Variants in MCPH1 observed in about 807,000 individuals in gnomAD.
The protein encoded by MCPH1 is microcephalin.
In MCPH1, 104 loss-of-function variants were observed where a neutral mutation model predicts 84.5. The observed-to-expected ratio is 1.23, with a 90% CI of 1.05 to 1.45. MCPH1 has a LOEUF of 1.45. Among genes scored for constraint, MCPH1 ranks in the 40% most tolerant of loss-of-function variants. The pLI is 0.00. For missense variants in MCPH1, 1,498 were observed against 1,005.7 expected (o/e 1.49, Z -6.62); for synonymous variants, 514 against 366.8 (o/e 1.40, Z -4.58).
intron 13 of MCPH1, chr8:6,625,883 G>A (rs1832025387): frequency 3.0e-6 from 3 of 985,252 alleles, no homozygotes; most frequent in African/African-American, 3.5e-5. Context: ...AGGGGGTGGA[G>A]AACCAGGAGT....
chr8:6,497,573 A>G (rs942759422), intron 11 of MCPH1, among the ~76,000 whole-genome samples: 6 of 152,174 alleles, frequency 3.9e-5, no homozygotes, highest in Non-Finnish European at 7.3e-5. Context: ...GTACTCCATC[A>G]TAATATATGC....
At chr8:6,410,495 G>A (rs1038368548) in intron 2 of MCPH1, among the ~76,000 whole-genome samples, 2 of 152,116 alleles carry the variant, frequency 1.3e-5, no homozygotes, top group African/African-American at 4.8e-5. Context: ...CTTATTCAAG[G>A]TTTCTTAGTA....
chr8:6,454,940 T>C (rs767580055), intron 8 of MCPH1, among the ~76,000 whole-genome samples: 15 of 152,232 alleles, frequency 9.9e-5, no homozygotes, highest in South Asian at 2.1e-4. Flanking sequence ...TTACCGACCA[T>C]TGAATTAAGT....
chr8:6,569,244 GA>G (rs1474966248), intron 12 of MCPH1, among the ~76,000 whole-genome samples: 1 of 152,038 alleles, frequency 6.6e-6, no homozygotes, highest in African/African-American at 2.4e-5. Context: ...TCTGCCAAAA[GA>G]AAAAAATCTT....
At chr8:6,494,348 A>G (rs1414043703) in intron 11 of MCPH1, 1 of 152,188 alleles carries the variant, frequency 6.6e-6, no homozygotes, top group African/African-American at 2.4e-5. Flanking sequence ...TATCTTCTAT[A>G]GCTGTAAACC....
At chr8:6,616,504 A>T (rs1401275156) in intron 12 of MCPH1, 2 of 152,246 alleles carry the variant, frequency 1.3e-5, no homozygotes, top group Non-Finnish European at 1.5e-5. Flanking sequence ...AAATCAGGTG[A>T]AGACACAAAG....
In MCPH1 at chr8:6,583,634, G is replaced by A. The variant is rs182874847; in HGVS notation, c.2215-37820G>A. Among the ~76,000 whole-genome samples the A allele has an allele frequency of 1.6e-4, 25 of 152,302 alleles. No homozygotes were observed. In the East Asian group the frequency reaches 4.4e-3, roughly 27 times the overall value. On this transcript the variant is annotated intron_variant, in intron 12 of 13. Coordinates refer to ENST00000344683, the MANE Select transcript of MCPH1 (RefSeq NM_024596.5). ...CCCTGAGTGCCCAAGGGAGGAGCTGGCCTGGAGTAGTGAGGGCAAGGTGAT... is the reference window on the plus strand; with the variant it reads ...CCCTGAGTGCCCAAGGGAGGAGCTGACCTGGAGTAGTGAGGGCAAGGTGAT...
At chr8:6,626,576 A>C (rs1832102761) in intron 13 of MCPH1, 1 of 984,632 alleles carries the variant, frequency 1.0e-6, no homozygotes, top group Non-Finnish European at 1.2e-6. Flanking sequence ...GGCCCTAGGA[A>C]ATAAAATGTT....
At chr8:6,549,524 T>A (rs559648049) in intron 12 of MCPH1, among the ~76,000 whole-genome samples, 13 of 151,864 alleles carry the variant, frequency 8.6e-5, no homozygotes, top group African/African-American at 3.1e-4. Context: ...TGGGCAGTCA[T>A]TACACAGGTG....
At chr8:6,517,081 T>C (rs1343482745) in intron 12 of MCPH1, among the ~76,000 whole-genome samples, 7 of 152,176 alleles carry the variant, frequency 4.6e-5, no homozygotes, top group African/African-American at 1.7e-4. Flanking sequence ...CAGAGAAAGA[T>C]AGTGTTCAAA....
At chr8:6,591,958 G>A (rs1453628104) in intron 12 of MCPH1, among the ~76,000 whole-genome samples, 1 of 152,142 alleles carries the variant, frequency 6.6e-6, no homozygotes, top group Non-Finnish European at 1.5e-5. Context: ...GAAACCTATG[G>A]AACAGAAGTA....
chr8:6,543,083 C>T, intron 12 of MCPH1, among the ~76,000 whole-genome samples: 1 of 152,172 alleles, frequency 6.6e-6, no homozygotes, highest in East Asian at 1.9e-4. Flanking sequence ...CCCACTGCCT[C>T]TGGACAGAAA....
At chr8:6,631,500 A>G (rs1225915958) in intron 13 of MCPH1, among the ~76,000 whole-genome samples, 2 of 152,180 alleles carry the variant, frequency 1.3e-5, no homozygotes, top group Non-Finnish European at 2.9e-5. Flanking sequence ...AAACTGAGCA[A>G]AGAACTTGAA....
intron 12 of MCPH1, among the ~76,000 whole-genome samples, chr8:6,509,964 A>G (rs1814654008): frequency 6.6e-6 from 1 of 152,124 alleles, no homozygotes; most frequent in South Asian, 2.1e-4. Context: ...CTAGCCAGGG[A>G]AAGATCCAAA....
chr8:6,620,597 G>A (rs370958791), intron 12 of MCPH1, among the ~76,000 whole-genome samples: 82 of 152,228 alleles, frequency 5.4e-4, no homozygotes, highest in African/African-American at 1.8e-3. Flanking sequence ...TAATTTGTGT[G>A]AACCATTAAT....
chr8:6,414,874 G>T lies in MCPH1; in HGVS notation c.224G>T (p.Trp75Leu). The T allele has an allele frequency of 6.2e-7, 1 of 1,613,408 alleles. No individual in the cohort carries two copies. Residue 75 changes from tryptophan to leucine, a missense_variant, in exon 3 of 14, where the codon TGG (tryptophan) becomes TTG (leucine). Transcript: ENST00000344683. ...GGCGTAAAGCTCGTTTCGGTGCTCTGGGTGGAAAAGTAAGCAGTTTCTCTC... is the reference window on the plus strand; with the variant it reads ...GGCGTAAAGCTCGTTTCGGTGCTCTTGGTGGAAAAGTAAGCAGTTTCTCTC... ...KRGVKLVSVLWVEKCRTAGAH... is the reference protein window; with the variant it reads ...KRGVKLVSVLLVEKCRTAGAH...
chr8:6,552,961 A>T (rs1346406913), intron 12 of MCPH1, among the ~76,000 whole-genome samples: 3 of 152,210 alleles, frequency 2.0e-5, no homozygotes, highest in African/African-American at 7.2e-5. Context: ...AAGGGGAAGA[A>T]GGGCTGTGCA....
intron 10 of MCPH1, among the ~76,000 whole-genome samples, chr8:6,479,478 A>G (rs1808912051): frequency 6.6e-6 from 1 of 151,502 alleles, no homozygotes. Context: ...TCTGTCACCC[A>G]GGCTGGAGTG....
At chr8:6,502,768 G>A in intron 12 of MCPH1, 1 of 316,362 alleles carries the variant, frequency 3.2e-6, no homozygotes, top group African/African-American at 2.1e-5. Context: ...CTGTTTTCCA[G>A]TTATTTACTG....
Sources: allele counts gnomAD v4.1 joint callset (sites outside exome capture counted in the v4.1 genomes callset), GRCh38; gene constraint gnomAD v4.1.1; transcripts MANE v1.5; gene names NCBI Gene and HGNC (gene_info 2026-07-23, HGNC 2026-07-21).